The following TNNI3K variants were observed in gnomAD, a reference collection of about 807,000 sequenced individuals.
The protein encoded by TNNI3K is serine/threonine-protein kinase TNNI3K.
TNNI3K carries 140 observed loss-of-function variants against 114.5 expected under a neutral mutation model. The ratio of observed to expected loss-of-function variants is 1.22; its 90% CI spans 1.07 to 1.41. The LOEUF (loss-of-function observed/expected upper bound fraction) is 1.41, where lower values mean the gene tolerates loss of function less well. Among genes scored for constraint, TNNI3K ranks in the 40% most tolerant of loss-of-function variants. The probability of loss-of-function intolerance (pLI) is 0.00; values close to 1 mark genes in which losing one functional copy is unlikely to be tolerated. For missense variants in TNNI3K, 1,125 were observed against 1,007.6 expected, an observed-to-expected ratio of 1.12 and a Z score of -1.58; for synonymous variants, 347 against 347.5, an observed-to-expected ratio of 1.00 and a Z score of 0.02.
intron 21 of TNNI3K, chr1:74,480,527 A>G (rs1202885881): frequency 2.8e-6 from 2 of 717,370 alleles, no homozygotes; most frequent in Non-Finnish European, 5.2e-6. Context: ...CAGGGGCCGG[A>G]AGGCATCTTT....
chr1:74,295,576 A>G (rs1657930086), intron 5 of TNNI3K, among the ~76,000 whole-genome samples: 1 of 152,184 alleles, frequency 6.6e-6, no homozygotes, highest in Non-Finnish European at 1.5e-5. Flanking sequence ...TCTTGATTAA[A>G]TGGCTCCTTT....
At chr1:74,246,164 A>G (rs1654538042) in intron 2 of TNNI3K, among the ~76,000 whole-genome samples, 2 of 152,238 alleles carry the variant, frequency 1.3e-5, no homozygotes, top group African/African-American at 4.8e-5. Flanking sequence ...AGAGCTATTT[A>G]TGGTATGGCA....
rs181277109 is a variant in TNNI3K, at chr1:74,474,303, G to A, written c.2121+10753G>A. ...AAGCCAGTCTGACCTGGTTTCTATG[G>A]CATATGTTTCTTTCCTCAGCCATCC... On this transcript the variant is annotated intron_variant, in intron 21 of 24. Coordinates refer to ENST00000326637, the MANE Select transcript of TNNI3K (RefSeq NM_015978.3). Among the ~76,000 whole-genome samples, 155 of 152,194 alleles carry A rather than the reference G, an allele frequency of 1.0e-3. 1 individual carries two copies. The South Asian group carries it at 0.011, about 11-fold the overall frequency.
At chr1:74,357,667 C>G (rs185119112) in intron 11 of TNNI3K, among the ~76,000 whole-genome samples, 5 of 152,150 alleles carry the variant, frequency 3.3e-5, no homozygotes, top group Admixed American at 3.3e-4. Context: ...AAATAATTTT[C>G]CTGGTGACCG....
intron 20 of TNNI3K, among the ~76,000 whole-genome samples, chr1:74,447,218 G>A (rs899015234): frequency 7.2e-4 from 108 of 149,984 alleles, no homozygotes; most frequent in African/African-American, 2.5e-3. Context: ...TTATTTCTTT[G>A]AGCAGTGGTT....
At chr1:74,448,594 T>C (rs920307645) in intron 20 of TNNI3K, among the ~76,000 whole-genome samples, 13 of 138,838 alleles carry the variant, frequency 9.4e-5, no homozygotes, top group Non-Finnish European at 2.0e-4. Flanking sequence ...ATATTGGCTG[T>C]GGGTTTGTCA....
At chr1:74,350,407 A>G (rs552673134) in intron 9 of TNNI3K, among the ~76,000 whole-genome samples, 2 of 152,238 alleles carry the variant, frequency 1.3e-5, no homozygotes, top group Admixed American at 6.5e-5. Flanking sequence ...TGATTTTAGA[A>G]TAGGTGTGGT....
intron 21 of TNNI3K, among the ~76,000 whole-genome samples, chr1:74,481,931 A>C (rs1180040536): frequency 1.3e-5 from 2 of 152,168 alleles, no homozygotes; most frequent in African/African-American, 4.8e-5. Context: ...TTCAGACTGC[A>C]TCGCGGAAAC....
chr1:74,327,079 C>CAA (rs552823540), intron 5 of TNNI3K, among the ~76,000 whole-genome samples: 7 of 64,118 alleles, frequency 1.1e-4, no homozygotes, highest in South Asian at 4.8e-4. Flanking sequence ...GACTCCGTGT[C>CAA]AAAAAAAAAA....
Position 74,480,375 on chromosome 1 carries a change from A to C in TNNI3K, c.2122-8814A>C, listed in dbSNP as rs950045844. On this transcript the variant is annotated intron_variant, in intron 21 of 24. Coordinates refer to ENST00000326637, the MANE Select transcript of TNNI3K (RefSeq NM_015978.3). ...GAAGACTTAATGTAGTTTCTTAAAA[A>C]CCGAGCAAGGGGATGGAGATCACAA... 6 of 717,430 alleles carry C rather than the reference A, an allele frequency of 8.4e-6. No individual in the cohort carries two copies. In the African/African-American group the frequency reaches 1.0e-4, roughly 13 times the overall value. The allele number at this position is 717,430 out of a possible 1,614,324, so 44.4% of individuals were successfully genotyped here. A position where few individuals can be genotyped will look rare whatever the true frequency, so the allele number is the denominator to read the frequency against.
chr1:74,521,410 A>G (rs1646430766), intron 23 of TNNI3K, among the ~76,000 whole-genome samples: 2 of 152,158 alleles, frequency 1.3e-5, no homozygotes, highest in African/African-American at 4.8e-5. Flanking sequence ...GTTACTGTTC[A>G]ATAAATGTTA....
chr1:74,346,568 TTTTAA>T (rs1428470330), intron 9 of TNNI3K, among the ~76,000 whole-genome samples: 1 of 151,656 alleles, frequency 6.6e-6, no homozygotes, highest in Non-Finnish European at 1.5e-5. Context: ...TATATCCACA[TTTTAA>T]TTTAGCCTTT....
chr1:74,387,561 A>G (rs185986943), intron 17 of TNNI3K, among the ~76,000 whole-genome samples: 61 of 152,330 alleles, frequency 4.0e-4, no homozygotes, highest in Non-Finnish European at 2.8e-4. Context: ...AGCTTTCGGT[A>G]TCATTTCTTA....
chr1:74,428,290 G>A (rs1665729362), intron 17 of TNNI3K, among the ~76,000 whole-genome samples: 1 of 152,032 alleles, frequency 6.6e-6, no homozygotes, highest in Admixed American at 6.6e-5. Flanking sequence ...GGGAGCTATT[G>A]AATGGTCAAC....
chr1:74,470,678 C>T, intron 21 of TNNI3K: 1 of 400,574 alleles, frequency 2.5e-6, no homozygotes, highest in South Asian at 1.3e-4. Flanking sequence ...CAATTTTCCA[C>T]AATTTGATGT....
At chr1:74,317,496 G>A (rs1380405621) in intron 5 of TNNI3K, among the ~76,000 whole-genome samples, 1 of 152,290 alleles carries the variant, frequency 6.6e-6, no homozygotes, top group Admixed American at 6.5e-5. Context: ...CTAGGTGTAA[G>A]GAAATAGCAG....
At chr1:74,350,607 CTT>C (rs1193473937) in intron 9 of TNNI3K, among the ~76,000 whole-genome samples, 1 of 152,022 alleles carries the variant, frequency 6.6e-6, no homozygotes, top group East Asian at 1.9e-4. Flanking sequence ...GTCTAAGTCT[CTT>C]TGTAGGTCAC....
chr1:74,311,923 A>G (rs1039724844), intron 5 of TNNI3K, among the ~76,000 whole-genome samples: 29 of 152,334 alleles, frequency 1.9e-4, no homozygotes, highest in African/African-American at 7.0e-4. Context: ...AATATTAACT[A>G]TGAATATTTG....
chr1:74,256,592 T>A (rs140425280), intron 4 of TNNI3K, among the ~76,000 whole-genome samples: 106 of 152,196 alleles, frequency 7.0e-4, no homozygotes, highest in Admixed American at 1.8e-3. Context: ...CATAACAGTG[T>A]CATTTGAAGA....
Sources: gnomAD v4.1 joint callset for allele counts (sites outside exome capture counted in the v4.1 genomes callset) on GRCh38, gnomAD v4.1.1 for gene constraint, MANE v1.5 for transcripts, NCBI Gene and HGNC (gene_info 2026-07-23, HGNC 2026-07-21) for gene names.